Variants in CFAP20DC observed in about 807,000 individuals in gnomAD.
CFAP20DC encodes the protein CFAP20 domain containing, also known as protein CFAP20DC.
Under a neutral mutation model 101.7 loss-of-function variants are expected in CFAP20DC, and 84 were observed. The observed-to-expected ratio is 0.83, with a 90% confidence interval of 0.69 to 0.99. The LOEUF (loss-of-function observed/expected upper bound fraction) is 0.99. Among genes scored for constraint, CFAP20DC ranks in the 50% least tolerant of loss-of-function variants. CFAP20DC has a pLI of 0.00. For synonymous variants in CFAP20DC, 359 were observed against 351.2 expected, an observed-to-expected ratio of 1.02 and a Z score of -0.25; for missense variants, 1,007 against 970.3, an observed-to-expected ratio of 1.04 and a Z score of -0.50.
At chr3:58,944,184 GC>G (rs144927299) in intron 4 of CFAP20DC, among the ~76,000 whole-genome samples, 14,247 of 151,980 alleles carry the variant, frequency 0.094, 2,211 homozygotes, top group African/African-American at 0.32. Flanking sequence ...ACCCAACCTA[GC>G]CAAGACAGGC....
intron 6 of CFAP20DC, among the ~76,000 whole-genome samples, chr3:58,896,866 T>C (rs536858572): frequency 6.6e-6 from 1 of 152,346 alleles, no homozygotes; most frequent in African/African-American, 2.4e-5. Flanking sequence ...CTCTGTTGTT[T>C]CTGGGTGGAG....
At chr3:58,846,662 C>T (rs1490551823) in intron 13 of CFAP20DC, among the ~76,000 whole-genome samples, 214 of 151,438 alleles carry the variant, frequency 1.4e-3, no homozygotes, top group Non-Finnish European at 1.9e-3. Flanking sequence ...TGGAAAAAAC[C>T]ACTTTAAAGT....
Position 59,040,651 on chromosome 3 carries a change from C to T in CFAP20DC, c.206-1022G>A, listed in dbSNP as rs142279391. On this transcript the variant is annotated intron_variant, in intron 3 of 16. Coordinates refer to ENST00000482387, the MANE Select transcript of CFAP20DC (RefSeq NM_001394063.1). Reference sequence around the variant, plus strand: ...TATTTTATATTATTCCAACTTAGTACGCTTAACAAATTAAGGGATTTTAAA... The same window carrying T: ...TATTTTATATTATTCCAACTTAGTATGCTTAACAAATTAAGGGATTTTAAA... 5.3e-5 allele frequency among the ~76,000 whole-genome samples: 8 copies of T among 151,968 alleles called. No individual in the cohort carries two copies. In the East Asian group the frequency reaches 9.7e-4, roughly 18 times the overall value.
At chr3:58,987,169 A>G (rs2092781171) in intron 4 of CFAP20DC, among the ~76,000 whole-genome samples, 1 of 152,162 alleles carries the variant, frequency 6.6e-6, no homozygotes, top group Non-Finnish European at 1.5e-5. Context: ...TGGATGGGAT[A>G]CAACTGGAGT....
At chr3:58,842,686 A>T (rs1029729460) in intron 13 of CFAP20DC, among the ~76,000 whole-genome samples, 26 of 152,348 alleles carry the variant, frequency 1.7e-4, no homozygotes, top group South Asian at 6.2e-4. Flanking sequence ...CCTGCCTGCC[A>T]CTGTAGGCTC....
intron 12 of CFAP20DC, among the ~76,000 whole-genome samples, chr3:58,851,745 G>GA (rs1181792346): frequency 1.4e-4 from 21 of 148,626 alleles, no homozygotes; most frequent in South Asian, 8.6e-4. Context: ...ATTACTAACT[G>GA]AAAAAAAAAC....
chr3:58,869,582 G>T lies in CFAP20DC; in HGVS notation c.853-92C>A. ...TAGAAAACATAATATTTGGACCAAT[G>T]AAGAGTGAGAAAAAAACTAGAGGAA... On this transcript the variant is annotated intron_variant, in intron 8 of 16. Coordinates refer to ENST00000482387, the MANE Select transcript of CFAP20DC (RefSeq NM_001394063.1). This position sits in a 1 kb window ranked among gnomAD's most constrained non-coding sequence, Gnocchi z 4.3. 1 of 984,524 alleles carries T rather than the reference G, an allele frequency of 1.0e-6. No homozygotes were observed. Among genetic ancestry groups the T allele is most frequent in the Non-Finnish European group, 1.4e-6 (1 of 704,608 alleles). 61.0% of individuals were successfully genotyped at this position (984,524 alleles called of 1,614,324 possible).
At chr3:58,814,173 T>G (rs1426556176) in intron 14 of CFAP20DC, among the ~76,000 whole-genome samples, 1 of 151,816 alleles carries the variant, frequency 6.6e-6, no homozygotes, top group Non-Finnish European at 1.5e-5. Context: ...TCAGGTGAAT[T>G]TCCATTTCTT....
At chr3:58,984,881 T>G (rs2108546598) in intron 4 of CFAP20DC, among the ~76,000 whole-genome samples, 1 of 152,244 alleles carries the variant, frequency 6.6e-6, no homozygotes, top group Non-Finnish European at 1.5e-5. Flanking sequence ...TGGCATGGTG[T>G]GATTGCTCAA....
rs540255725 is a variant in CFAP20DC, at chr3:58,849,306, C to T, written c.1697G>A (p.Ser566Asn). Residue 566 changes from serine (S) to asparagine (N), a missense_variant, in exon 13 of 17, where the codon AGT becomes AAT. Ser to Asn is a conservative substitution (Grantham distance 46). Coordinates refer to ENST00000482387, the MANE Select transcript of CFAP20DC (RefSeq NM_001394063.1). Reference sequence around the variant, plus strand: ...GTAGGCGCTCCTTAGATATTCCTTACTTGTCCGCTTTGCAGCCTTCCCCAG... The same window carrying T: ...GTAGGCGCTCCTTAGATATTCCTTATTTGTCCGCTTTGCAGCCTTCCCCAG... ...SLLGKAAKRT[S>N]KEYLRSAYTE... The T allele has an allele frequency of 5.2e-6, 8 of 1,536,124 alleles. No individual in the cohort carries two copies. In the African/African-American group the frequency reaches 1.1e-4, roughly 21 times the overall value.
intron 6 of CFAP20DC, among the ~76,000 whole-genome samples, chr3:58,890,486 G>C (rs1452947408): frequency 6.9e-6 from 1 of 144,548 alleles, no homozygotes; most frequent in African/African-American, 2.6e-5. Flanking sequence ...CGGGCAGAGG[G>C]GCTCCTCACT....
chr3:59,018,519 C>T (rs2093735496), intron 4 of CFAP20DC: 1 of 152,046 alleles, frequency 6.6e-6, no homozygotes, highest in African/African-American at 2.4e-5. Context: ...CTGAGAAGGA[C>T]ACAACATCAC....
In CFAP20DC at chr3:58,964,950, T is replaced by C. The variant is rs1221360700; in HGVS notation, c.279-27188A>G. Reference sequence around the variant, plus strand: ...TTTTCTAAAAAGGTTCTGCCCAACCTACTACTCACATACTCACATCTTTGG... The same window carrying C: ...TTTTCTAAAAAGGTTCTGCCCAACCCACTACTCACATACTCACATCTTTGG... On this transcript the variant is annotated intron_variant, in intron 4 of 16. Transcript: ENST00000482387. This position sits in a 1 kb window ranked among gnomAD's most constrained non-coding sequence, Gnocchi z 4.1. 1.3e-5 allele frequency among the ~76,000 whole-genome samples: 2 copies of C among 152,216 alleles called. No homozygotes were observed. Among genetic ancestry groups the C allele is most frequent in the African/African-American group, 2.4e-5 (1 of 41,468 alleles).
chr3:58,862,624 A>G, intron 12 of CFAP20DC: 1 of 985,440 alleles, frequency 1.0e-6, no homozygotes, highest in Non-Finnish European at 1.2e-6. Context: ...GGTTGGTGCT[A>G]TGGACTTAAT....
chr3:59,012,777 G>A (rs2093612760), intron 4 of CFAP20DC, among the ~76,000 whole-genome samples: 1 of 152,116 alleles, frequency 6.6e-6, no homozygotes, highest in Non-Finnish European at 1.5e-5. Flanking sequence ...AAATTAAAAA[G>A]AGAAATAAGA....
chr3:58,815,990 C>G (rs1162436133), intron 14 of CFAP20DC, among the ~76,000 whole-genome samples: 5 of 151,726 alleles, frequency 3.3e-5, no homozygotes, highest in African/African-American at 4.9e-5. Flanking sequence ...TATCATTTGA[C>G]CCAGCCATCC....
At chr3:58,907,733 T>A (rs975844314) in intron 6 of CFAP20DC, among the ~76,000 whole-genome samples, 5 of 152,194 alleles carry the variant, frequency 3.3e-5, no homozygotes, top group Non-Finnish European at 7.3e-5. Flanking sequence ...ACTGGAAATA[T>A]GATAATAGCA....
At chr3:58,983,290 G>A (rs1226073642) in intron 4 of CFAP20DC, among the ~76,000 whole-genome samples, 1 of 152,174 alleles carries the variant, frequency 6.6e-6, no homozygotes, top group Admixed American at 6.5e-5. Flanking sequence ...TTTTATGGAA[G>A]CTGTTTGCAA....
intron 15 of CFAP20DC, among the ~76,000 whole-genome samples, chr3:58,787,035 C>T (rs1436847758): frequency 6.6e-6 from 1 of 151,324 alleles, no homozygotes; most frequent in East Asian, 2.0e-4. Flanking sequence ...TAAGGGGGGG[C>T]ATTACTGTAA....
Sources: gnomAD v4.1 joint callset for allele counts (sites outside exome capture counted in the v4.1 genomes callset) on GRCh38, gnomAD v4.1.1 for gene constraint, Gnocchi (gnomAD v3.1) non-coding constraint, MANE v1.5 for transcripts, NCBI Gene and HGNC (gene_info 2026-07-23, HGNC 2026-07-21) for gene names.